GABRA3: variants seen among roughly 807,000 people sequenced by gnomAD.
GABRA3 encodes the protein gamma-aminobutyric acid type A receptor subunit alpha3.
In GABRA3, 10 loss-of-function variants were observed where a neutral mutation model predicts 30.1. That is an observed-to-expected ratio of 0.33 (90% CI 0.20 to 0.56). The LOEUF (loss-of-function observed/expected upper bound fraction) is 0.56. Among genes scored for constraint, GABRA3 ranks in the 20% least tolerant of loss-of-function variants. The pLI is 0.89. For missense variants in GABRA3, 233 were observed against 392.0 expected (o/e 0.59, Z 3.42); for synonymous variants, 151 against 146.8 (o/e 1.03, Z -0.21).
At chrX:152,261,522 G>A (rs1318124635) in intron 4 of GABRA3, among the ~76,000 whole-genome samples, 1 of 111,819 alleles carries the variant, frequency 8.9e-6, no homozygotes, top group East Asian at 2.8e-4. Flanking sequence ...CAAACAAAGG[G>A]GCTACAGTCC....
chrX:152,333,068 G>A (rs981398303), intron 3 of GABRA3, among the ~76,000 whole-genome samples: 3 of 111,574 alleles, frequency 2.7e-5, no homozygotes, highest in Admixed American at 9.5e-5. Flanking sequence ...TTTTCTTCCC[G>A]GGGCAATTTT....
At chrX:152,445,095 GTT>G (rs1931055510) in intron 1 of GABRA3, among the ~76,000 whole-genome samples, 1 of 100,904 alleles carries the variant, frequency 9.9e-6, no homozygotes, top group Admixed American at 1.1e-4. Context: ...AAATACTTGT[GTT>G]TTTTAAGAAA....
At chrX:152,211,824 A>C (rs1398927270) in intron 6 of GABRA3, among the ~76,000 whole-genome samples, 3 of 111,680 alleles carry the variant, frequency 2.7e-5, no homozygotes, top group Non-Finnish European at 5.6e-5. Flanking sequence ...TCTTAAAGTA[A>C]ATGATACTCA....
At chrX:152,255,741 C>G in intron 5 of GABRA3, 37 bp downstream of exon 5, 1 of 1,136,893 alleles carries the variant, frequency 8.8e-7, no homozygotes, top group East Asian at 3.0e-5. Context: ...CAGTCCTACT[C>G]CCAATATACT....
chrX:152,380,977 A>C (rs754222903), intron 1 of GABRA3, among the ~76,000 whole-genome samples: 5 of 111,566 alleles, frequency 4.5e-5, no homozygotes, highest in Non-Finnish European at 7.5e-5. Flanking sequence ...TGAATTCTTT[A>C]TCTCTCAAGT....
chrX:152,223,468 T>A (rs1206010333), intron 6 of GABRA3, among the ~76,000 whole-genome samples: 1 of 111,208 alleles, frequency 9.0e-6, no homozygotes, highest in African/African-American at 3.3e-5. Context: ...CCTTAGAATA[T>A]AATTCAAAGA....
intron 2 of GABRA3, among the ~76,000 whole-genome samples, chrX:152,350,220 A>G (rs1201131603): frequency 2.3e-4 from 24 of 103,558 alleles, no homozygotes; most frequent in African/African-American, 5.1e-4. Flanking sequence ...GGTACATAAC[A>G]AAATGAAGGC....
At chrX:152,368,826 C>G (rs765246126) in intron 1 of GABRA3, among the ~76,000 whole-genome samples, 1 of 106,739 alleles carries the variant, frequency 9.4e-6, no homozygotes, top group African/African-American at 3.4e-5. Flanking sequence ...CTGCCTCAGC[C>G]TCCCGAGTAG....
chrX:152,448,822 T>C (rs1180161967), intron 1 of GABRA3, among the ~76,000 whole-genome samples: 3 of 110,840 alleles, frequency 2.7e-5, no homozygotes, highest in Non-Finnish European at 5.7e-5. Flanking sequence ...ATAGACATCC[T>C]GGGGGCTTTA....
intron 6 of GABRA3, among the ~76,000 whole-genome samples, chrX:152,222,734 G>T (rs1317177588): frequency 9.1e-6 from 1 of 110,452 alleles, no homozygotes; most frequent in Non-Finnish European, 1.9e-5. Flanking sequence ...AAGTATGGGA[G>T]AATTATCACC....
chrX:152,322,998 G>A (rs755681987), intron 3 of GABRA3, among the ~76,000 whole-genome samples: 24 of 106,991 alleles, frequency 2.2e-4, no homozygotes, highest in Non-Finnish European at 4.1e-4. Flanking sequence ...GACTACAGGC[G>A]CGCACCACCA....
chrX:152,369,442 C>T (rs972589264), intron 1 of GABRA3, among the ~76,000 whole-genome samples: 10 of 111,162 alleles, frequency 9.0e-5, no homozygotes, highest in Admixed American at 8.6e-4. Context: ...TCATCCCCTA[C>T]TACCCTCCCG....
At chrX:152,192,522 AAATAT>A (rs1937336803) in intron 8 of GABRA3, among the ~76,000 whole-genome samples, 1 of 111,097 alleles carries the variant, frequency 9.0e-6, no homozygotes, top group African/African-American at 3.3e-5. Context: ...GGTAATTATT[AAATAT>A]ATTATTATTA....
intron 4 of GABRA3, among the ~76,000 whole-genome samples, chrX:152,267,563 G>A (rs1308054981): frequency 9.0e-6 from 1 of 111,173 alleles, no homozygotes; most frequent in African/African-American, 3.3e-5. Context: ...TTAAGTTTTT[G>A]AAGAGTTTGA....
At chrX:152,279,940 GTGATTTT>G (rs1162745602) in intron 4 of GABRA3, among the ~76,000 whole-genome samples, 1 of 111,291 alleles carries the variant, frequency 9.0e-6, no homozygotes, top group Non-Finnish European at 1.9e-5. Context: ...AAGGATGCTT[GTGATTTT>G]TGCACATTGA....
At chrX:152,289,333 T>A (rs1178127889) in intron 3 of GABRA3, among the ~76,000 whole-genome samples, 3 of 109,719 alleles carry the variant, frequency 2.7e-5, no homozygotes, top group African/African-American at 9.9e-5. Flanking sequence ...CAAAGTCTGC[T>A]TTCTCTTCCC....
In GABRA3 at chrX:152,433,020, ATAT is replaced by A. The variant is rs758896365; in HGVS notation, c.-27+18123_-27+18125del. 2.1e-3 allele frequency among the ~76,000 whole-genome samples: 236 copies of A among 111,562 alleles called. 1 individual carries two copies. Among genetic ancestry groups the A allele is most frequent in the African/African-American group, 7.0e-3 (216 of 30,841 alleles). On this transcript the variant is annotated intron_variant, in intron 1 of 9. Transcript: ENST00000370314. Reference sequence around the variant, plus strand: ...TAGTAATTTTTTAAAATAGATTAACATATTATAAAAAAAAGAAGTATAGGAGCA... The same window carrying A: ...TAGTAATTTTTTAAAATAGATTAACATATAAAAAAAAGAAGTATAGGAGCA...
At chrX:152,224,618 C>T (rs928186629) in intron 6 of GABRA3, 145 bp downstream of exon 6, 4 of 383,017 alleles carry the variant, frequency 1.0e-5, no homozygotes, top group African/African-American at 1.0e-4. Context: ...TACTACTCAA[C>T]CCCACTCTCT....
chrX:152,176,626 T>C (rs895826255), intron 9 of GABRA3, among the ~76,000 whole-genome samples: 2 of 111,428 alleles, frequency 1.8e-5, no homozygotes, highest in Admixed American at 9.6e-5. Flanking sequence ...TGGGAAGACT[T>C]GAAGAAGAGC....
Sources: allele counts gnomAD v4.1 joint callset (sites outside exome capture counted in the v4.1 genomes callset), GRCh38; gene constraint gnomAD v4.1.1; transcripts MANE v1.5; gene names NCBI Gene and HGNC (gene_info 2026-07-23, HGNC 2026-07-21).